SCNN1G: variants seen among roughly 807,000 people sequenced by gnomAD.
SCNN1G encodes the protein epithelial sodium channel subunit gamma.
A neutral mutation model predicts 64.6 loss-of-function variants in SCNN1G; 27 were observed. The ratio of observed to expected loss-of-function variants is 0.42; its 90% CI spans 0.31 to 0.58. The LOEUF is 0.58. Among genes scored for constraint, SCNN1G ranks in the 20% least tolerant of loss-of-function variants. The pLI is 0.18. For synonymous variants in SCNN1G, 330 were observed against 314.2 expected, an observed-to-expected ratio of 1.05 and a Z score of -0.53; for missense variants, 743 against 823.4, an observed-to-expected ratio of 0.90 and a Z score of 1.19.
At chr16:23,201,341 T>C (rs1249599505) in intron 6 of SCNN1G, among the ~76,000 whole-genome samples, 1 of 152,230 alleles carries the variant, frequency 6.6e-6, no homozygotes, top group Non-Finnish European at 1.5e-5. Flanking sequence ...AATTCTGCTC[T>C]CTTGTTTTCT....
At chr16:23,196,182 G>C (rs1596767154) in intron 5 of SCNN1G, among the ~76,000 whole-genome samples, 1 of 152,294 alleles carries the variant, frequency 6.6e-6, no homozygotes, top group African/African-American at 2.4e-5. Context: ...AGAAGGCCCA[G>C]AAAGATCTCT....
intron 7 of SCNN1G, among the ~76,000 whole-genome samples, chr16:23,211,115 C>T (rs1257481654): frequency 1.3e-5 from 2 of 152,182 alleles, no homozygotes; most frequent in Non-Finnish European, 2.9e-5. Flanking sequence ...ACACACACAC[C>T]TTACATGTAT....
At chr16:23,200,849 G>A (rs1245066983) in intron 6 of SCNN1G, among the ~76,000 whole-genome samples, 1 of 152,176 alleles carries the variant, frequency 6.6e-6, no homozygotes, top group Non-Finnish European at 1.5e-5. Flanking sequence ...AACCGGAATG[G>A]AAGTATGACA....
chr16:23,214,647 C>T, intron 11 of SCNN1G, 65 bp from the exon 12 acceptor site: 1 of 1,273,530 alleles, frequency 7.9e-7, no homozygotes. Context: ...GGGAGACAGC[C>T]ATGCTGAGGA....
intron 8 of SCNN1G, 21 bp downstream of exon 8, chr16:23,212,172 G>C (rs774962424): frequency 2.0e-6 from 3 of 1,488,534 alleles, no homozygotes; most frequent in South Asian, 1.1e-5. Context: ...CCCAGCTCCA[G>C]CCTTGCATGC....
chr16:23,189,162 A>C (rs144320540), intron 2 of SCNN1G, among the ~76,000 whole-genome samples: 2 of 152,318 alleles, frequency 1.3e-5, no homozygotes, highest in African/African-American at 2.4e-5. Context: ...GAAGTCACAC[A>C]TGGGTCACCC....
At chr16:23,210,997 C>G (rs12930318) in intron 7 of SCNN1G, among the ~76,000 whole-genome samples, 28,068 of 152,058 alleles carry the variant, frequency 0.18, 3,008 homozygotes, top group Middle Eastern at 0.27. Context: ...ATGATCACAC[C>G]ACTGTACTTC....
At chr16:23,211,107 A>G (rs1960072327) in intron 7 of SCNN1G, among the ~76,000 whole-genome samples, 1 of 152,214 alleles carries the variant, frequency 6.6e-6, no homozygotes, top group Non-Finnish European at 1.5e-5. Flanking sequence ...TACCATGCAC[A>G]CACACACCTT....
At position 23,212,896 on chromosome 16, in the gene SCNN1G, T is replaced by C; in HGVS notation, c.1431+2T>C. 1 of 1,613,616 alleles carries C rather than the reference T, an allele frequency of 6.2e-7. No individual in the cohort carries two copies. The highest frequency in any genetic ancestry group is 8.5e-7 in the Non-Finnish European group (1 of 1,179,936). The stretch of plus-strand genomic sequence containing the variant: ...CAATGGCCATCTGTGGTTTCGGAGG[T>C]AAGTTCTTCTGCCCACCCTTCCCCA... On this transcript the variant is annotated splice_donor_variant, in intron 10 of 12. Transcript: ENST00000300061. LOFTEE classifies it high-confidence loss of function.
chr16:23,183,078 C>T (rs781262206), intron 1 of SCNN1G, among the ~76,000 whole-genome samples: 2 of 152,248 alleles, frequency 1.3e-5, no homozygotes, highest in African/African-American at 2.4e-5. Flanking sequence ...CCGGGCCACA[C>T]CTGGCCTCTT....
At chr16:23,210,121 C>A (rs1960056788) in intron 7 of SCNN1G, among the ~76,000 whole-genome samples, 1 of 152,168 alleles carries the variant, frequency 6.6e-6, no homozygotes, top group South Asian at 2.1e-4. Flanking sequence ...AAGGGAGGAA[C>A]AGGAAAGAAG....
At chr16:23,197,188 G>A in intron 5 of SCNN1G, 76 bp from the exon 6 acceptor site, 1 of 1,224,472 alleles carries the variant, frequency 8.2e-7, no homozygotes, top group Non-Finnish European at 1.2e-6. Flanking sequence ...AGCTCCTGAA[G>A]CAGTGGGAGA....
chr16:23,211,837 G>A lies in SCNN1G; in HGVS notation c.1177-197G>A, dbSNP rs9941128. ...AAAACATAAAAAATAAAAATAATAA[G>A]TAAATTATTAATACATCTTCCAGGT... On this transcript the variant is annotated intron_variant, in intron 7 of 12. Transcript: ENST00000300061. Among the ~76,000 whole-genome samples, 32,172 of 151,892 alleles carry A rather than the reference G, an allele frequency of 0.21. 3,517 individuals are homozygous for A. The highest frequency in any genetic ancestry group is 0.25 in the African/African-American group (10,183 of 41,414).
chr16:23,206,079 A>T (rs1315458334), intron 6 of SCNN1G, among the ~76,000 whole-genome samples: 1 of 152,218 alleles, frequency 6.6e-6, no homozygotes, highest in Non-Finnish European at 1.5e-5. Context: ...CAGCCTGCTT[A>T]CCGCCCACCC....
intron 4 of SCNN1G, among the ~76,000 whole-genome samples, chr16:23,193,063 T>C (rs1286218172): frequency 1.7e-5 from 2 of 115,708 alleles, no homozygotes; most frequent in Non-Finnish European, 3.5e-5. Context: ...AGTGAGACTC[T>C]TGTCTCAAAA....
chr16:23,195,228 C>A (rs1959776735), intron 5 of SCNN1G, among the ~76,000 whole-genome samples: 1 of 152,142 alleles, frequency 6.6e-6, no homozygotes, highest in Non-Finnish European at 1.5e-5. Context: ...ACCAAGCACA[C>A]AATAAGTGCT....
At chr16:23,194,331 A>AG in intron 5 of SCNN1G, 57 bp downstream of exon 5, 1 of 1,225,658 alleles carries the variant, frequency 8.2e-7, no homozygotes, top group East Asian at 2.3e-5. Flanking sequence ...ACATGGGGGC[A>AG]GCAGGACAGT....
Position 23,189,435 on chromosome 16 carries a change from C to T in SCNN1G, c.382C>T (p.Leu128=). The T allele has an allele frequency of 6.2e-7, 1 of 1,614,176 alleles. No homozygotes were observed. Among genetic ancestry groups the T allele is most frequent in the Admixed American group, 1.7e-5 (1 of 60,030 alleles). The change falls in exon 3 of 13, where the codon CTG becomes TTG. Residue 128 remains leucine (L), a synonymous_variant. Transcript: ENST00000300061. ...EQETREALKS[L]YGFPESRKRR... ...GGAGACCAGAGAGGCCCTGAAGTCCCTGTATGGCTTTCCAGAGTCCCGGAA... is the reference window on the plus strand; with the variant it reads ...GGAGACCAGAGAGGCCCTGAAGTCCTTGTATGGCTTTCCAGAGTCCCGGAA...
chr16:23,189,763 C>A, intron 3 of SCNN1G, 92 bp downstream of exon 3: 1 of 1,255,136 alleles, frequency 8.0e-7, no homozygotes, highest in Non-Finnish European at 1.2e-6. Context: ...CCCCTGTGGT[C>A]CAACTGGAAG....
Sources: allele counts gnomAD v4.1 joint callset (sites outside exome capture counted in the v4.1 genomes callset), GRCh38; gene constraint gnomAD v4.1.1; transcripts MANE v1.5; gene names NCBI Gene and HGNC (gene_info 2026-07-23, HGNC 2026-07-21).